The following MGRN1 variants were observed in gnomAD, a reference collection of about 807,000 sequenced individuals.
MGRN1 encodes mahogunin ring finger 1, also known as E3 ubiquitin-protein ligase MGRN1.
Under a neutral mutation model 69.2 loss-of-function variants are expected in MGRN1, and 29 were observed. That is an observed-to-expected ratio of 0.42 (90% CI 0.31 to 0.57). The LOEUF (loss-of-function observed/expected upper bound fraction) is 0.57, where lower values mean the gene tolerates loss of function less well. MGRN1 is among the 20% of genes least tolerant of loss of function. The probability of loss-of-function intolerance (pLI) is 0.15; values close to 1 mark genes in which losing one functional copy is unlikely to be tolerated. For missense variants in MGRN1, 998 were observed against 796.2 expected (o/e 1.25, Z -3.05); for synonymous variants, 470 against 344.2 (o/e 1.37, Z -4.04).
At chr16:4,625,196 C>T in intron 1 of MGRN1, 148 bp downstream of exon 1, 1 of 713,532 alleles carries the variant, frequency 1.4e-6, no homozygotes. Context: ...GCCCCACGGC[C>T]CCGATCCCTA....
At chr16:4,657,057 C>T (rs1247733605) in intron 4 of MGRN1, among the ~76,000 whole-genome samples, 189 bp from the exon 5 acceptor site, 2 of 152,172 alleles carry the variant, frequency 1.3e-5, no homozygotes, top group African/African-American at 4.8e-5. Context: ...GCATGGTGAG[C>T]AGAGAGGCCG....
Position 4,652,019 on chromosome 16 carries a change from G to A in MGRN1, c.264G>A (p.Val88=), listed in dbSNP as rs1400763167. The change falls in exon 3 of 17, where the codon GTG becomes GTA. Residue 88 remains valine, a synonymous_variant. Coordinates refer to ENST00000262370, the MANE Select transcript of MGRN1 (RefSeq NM_015246.4). ...HEPVKTLRSL[V]NIRKDSLRLV... is the part of the protein sequence containing the mutation. ...CCGTGAAGACGCTGCGGAGCCTGGT[G>A]AACATCCGCAAAGACTCCCTGCGGC... The A allele has an allele frequency of 3.1e-6, 5 of 1,613,958 alleles. No homozygotes were observed. The highest frequency in any genetic ancestry group is 4.2e-6 in the Non-Finnish European group (5 of 1,179,976).
chr16:4,639,363 G>A (rs572031174), intron 1 of MGRN1, among the ~76,000 whole-genome samples: 3 of 152,158 alleles, frequency 2.0e-5, no homozygotes, highest in African/African-American at 7.2e-5. Context: ...GGAGGGAATA[G>A]CCCAGGCCGG....
chr16:4,659,405 G>A (rs780366318), intron 5 of MGRN1, among the ~76,000 whole-genome samples: 77 of 152,236 alleles, frequency 5.1e-4, no homozygotes, highest in African/African-American at 1.7e-3. Flanking sequence ...CCTCTGGGGA[G>A]CCCCAGTCTC....
chr16:4,688,906 TGA>T lies in MGRN1; in HGVS notation c.*2_*3del, dbSNP rs2079398262. On this transcript the variant is annotated frameshift_variant and stop_lost, in exon 17 of 17. Coordinates refer to ENST00000262370, the MANE Select transcript of MGRN1 (RefSeq NM_015246.4). LOFTEE classifies it high-confidence loss of function. ...DPSAAELTPL[*>X] ...CAGCGCCGCCGAGCTGACCCCACTC[TGA>T]GAGCCTGGCCGAGCTGGCAGCATGG... is the stretch of plus-strand genomic sequence containing the variant. 2 of 1,541,256 alleles carry T rather than the reference TGA, an allele frequency of 1.3e-6. No homozygotes were observed. Among genetic ancestry groups the T allele is most frequent in the Admixed American group, 2.0e-5 (1 of 51,106 alleles).
chr16:4,644,305 GTTTT>G (rs79613493), intron 1 of MGRN1, among the ~76,000 whole-genome samples: 1 of 107,596 alleles, frequency 9.3e-6, no homozygotes, highest in African/African-American at 3.8e-5. Flanking sequence ...TCAATTACCA[GTTTT>G]TTTTTTTTTT....
In MGRN1 at chr16:4,624,856, C is replaced by A; in HGVS notation, c.-105C>A. The A allele has an allele frequency of 1.0e-6, 1 of 954,388 alleles. No individual in the cohort carries two copies. The highest frequency in any genetic ancestry group is 1.4e-6 in the Non-Finnish European group (1 of 702,990). The allele number at this position is 954,388 out of a possible 1,614,324, so 59.1% of individuals were successfully genotyped here. ...CTCGAGGCGCCTCCGCGGCCGTGGA[C>A]GAGCGTCCGTGCGGCCTGGTCCGGG... On this transcript the variant is annotated 5_prime_UTR_variant, in exon 1 of 17. Coordinates refer to ENST00000262370, the MANE Select transcript of MGRN1 (RefSeq NM_015246.4).
intron 1 of MGRN1, among the ~76,000 whole-genome samples, chr16:4,638,257 G>A (rs112689835): frequency 0.029 from 4,350 of 152,144 alleles, 222 homozygotes; most frequent in African/African-American, 0.1. Context: ...ACGAGGTCAG[G>A]AGTTTGAGAC....
chr16:4,627,030 C>G (rs1596248381), intron 1 of MGRN1, among the ~76,000 whole-genome samples: 1 of 152,170 alleles, frequency 6.6e-6, no homozygotes, highest in African/African-American at 2.4e-5. Context: ...CTTTGTGCCG[C>G]ACTGGTTTCC....
At chr16:4,655,545 C>A (rs1183093615) in intron 4 of MGRN1, among the ~76,000 whole-genome samples, 1 of 152,006 alleles carries the variant, frequency 6.6e-6, no homozygotes. Context: ...GCGGGGATCA[C>A]AGAGCAGGAA....
intron 9 of MGRN1, 111 bp downstream of exon 9, chr16:4,671,570 A>T (rs2078937894): frequency 3.3e-6 from 3 of 921,274 alleles, no homozygotes; most frequent in Non-Finnish European, 1.8e-6. Flanking sequence ...GGAGTCCTAG[A>T]CCCGCTAGAC....
rs771747032 is a variant in MGRN1 at position 4,657,272 on chromosome 16, A to G, written c.470A>G (p.Gln157Arg). Residue 157 changes from glutamine to arginine, a missense_variant, in exon 5 of 17, where the codon CAG (glutamine) becomes CGG (arginine). Gln to Arg is a conservative substitution (Grantham distance 43). Coordinates refer to ENST00000262370, the MANE Select transcript of MGRN1 (RefSeq NM_015246.4). The part of the protein sequence containing the change: ...AVYSPKSPSL[Q>R]SETVHYKRGV... ...TACAGCCCCAAGAGCCCCTCGCTACAGTCCGAGACCGTCCACTACAAGAGA... is the reference window on the plus strand; with the variant it reads ...TACAGCCCCAAGAGCCCCTCGCTACGGTCCGAGACCGTCCACTACAAGAGA... 1.2e-6 allele frequency: 2 copies of G among 1,613,930 alleles called. No homozygotes were observed. Among genetic ancestry groups the G allele is most frequent in the Non-Finnish European group, 1.7e-6 (2 of 1,179,844 alleles).
At chr16:4,679,798 C>T (rs1044527814) in intron 11 of MGRN1, among the ~76,000 whole-genome samples, 1 of 152,160 alleles carries the variant, frequency 6.6e-6, no homozygotes, top group Admixed American at 6.5e-5. Context: ...AGATTGGGCT[C>T]CACAGCCTCC....
At chr16:4,683,422 C>T (rs554226547) in intron 15 of MGRN1, among the ~76,000 whole-genome samples, 153 bp downstream of exon 15, 10 of 152,326 alleles carry the variant, frequency 6.6e-5, no homozygotes, top group South Asian at 2.1e-4. Context: ...ACTGGGATCC[C>T]GGCTGGGAGG....
chr16:4,643,661 C>T (rs189521279), intron 1 of MGRN1, among the ~76,000 whole-genome samples: 18 of 152,212 alleles, frequency 1.2e-4, no homozygotes, highest in African/African-American at 3.9e-4. Context: ...CGTGAGTCAC[C>T]GCGCCTGGCA....
Position 4,677,540 on chromosome 16 carries a change from C to A in MGRN1, c.1033C>A (p.Leu345Met), listed in dbSNP as rs1372277099. The change falls in exon 11 of 17, where the codon CTG (leucine) becomes ATG (methionine). Residue 345 changes from leucine to methionine, a missense_variant. Coordinates refer to ENST00000262370, the MANE Select transcript of MGRN1 (RefSeq NM_015246.4). ...ALSPVSFSPV[L>M]AQSLEHDEHS... ...GTCCCCCGTGTCCTTCAGCCCCGTC[C>A]TGGCCCAGAGCCTGGAGCATGATGA... 6.2e-7 allele frequency: 1 copy of A among 1,600,026 alleles called. No individual in the cohort carries two copies. The highest frequency in any genetic ancestry group is 8.5e-7 in the Non-Finnish European group (1 of 1,179,450).
chr16:4,645,145 C>T (rs1000803253), intron 1 of MGRN1, among the ~76,000 whole-genome samples: 1 of 4,274 alleles, frequency 2.3e-4, no homozygotes, highest in Admixed American at 2.4e-3. Flanking sequence ...TGAGAGTTGG[C>T]GGGGGTGGGG....
At chr16:4,626,730 G>A (rs1897697321) in intron 1 of MGRN1, among the ~76,000 whole-genome samples, 1 of 152,180 alleles carries the variant, frequency 6.6e-6, no homozygotes, top group Non-Finnish European at 1.5e-5. Context: ...TTTACAGCCC[G>A]CTTCGGGATC....
chr16:4,650,658 T>C, intron 2 of MGRN1, 175 bp downstream of exon 2: 1 of 517,572 alleles, frequency 1.9e-6, no homozygotes. Flanking sequence ...GAATGGGTTG[T>C]GTCCTGGTGC....
Sources: gnomAD v4.1 joint callset for allele counts (sites outside exome capture counted in the v4.1 genomes callset) on GRCh38, gnomAD v4.1.1 for gene constraint, MANE v1.5 for transcripts, NCBI Gene and HGNC (gene_info 2026-07-23, HGNC 2026-07-21) for gene names.